VARS1: variants seen among roughly 807,000 people sequenced by gnomAD.
VARS1 encodes valyl-tRNA synthetase 1.
A neutral mutation model predicts 161.0 loss-of-function variants in VARS1; 92 were observed. The observed-to-expected ratio is 0.57, with a 90% CI of 0.48 to 0.68. The LOEUF (loss-of-function observed/expected upper bound fraction) is 0.68, where lower values mean the gene tolerates loss of function less well. Ranked by LOEUF, VARS1 falls within the 30% of genes least tolerant of loss-of-function variation. VARS1 has a pLI of 0.00. For missense variants in VARS1, 1,338 were observed against 1,695.9 expected, an observed-to-expected ratio of 0.79 and a Z score of 3.71; for synonymous variants, 595 against 682.5, an observed-to-expected ratio of 0.87 and a Z score of 2.00.
chr6:31,795,035 C>T lies in VARS1; in HGVS notation c.183G>A (p.Glu61=). The T allele has an allele frequency of 6.4e-7, 1 of 1,562,124 alleles. No individual in the cohort carries two copies. The highest frequency in any genetic ancestry group is 8.7e-7 in the Non-Finnish European group (1 of 1,150,776). The stretch of plus-strand genomic sequence containing the variant: ...ACACCCAGAGCCCACCGGGCCCCTG[C>T]TCCAGGGCCGGCAGGCGGGGTGGGG... ...PFPPPRLPAL[E]QGPGGLWVWG... Residue 61 remains glutamate (E), a synonymous_variant, in exon 2 of 30, where the codon GAG becomes GAA. Coordinates refer to ENST00000375663, the MANE Select transcript of VARS1 (RefSeq NM_006295.3). The surrounding 1 kb of genome is among the most constrained non-coding windows in gnomAD (Gnocchi z 6.9).
chr6:31,779,261 G>A lies in VARS1; in HGVS notation c.3432C>T (p.Gly1144=), dbSNP rs769749489. Residue 1144 remains glycine (G), a synonymous_variant, in exon 29 of 30, where the codon GGC becomes GGT. Coordinates refer to ENST00000375663, the MANE Select transcript of VARS1 (RefSeq NM_006295.3). The surrounding 1 kb of genome is among the most constrained non-coding windows in gnomAD (Gnocchi z 9.1). The part of the protein sequence containing the change: ...CFLEVADEAT[G]ALASAVSGYV... Reference sequence around the variant, plus strand: ...AGCCCGACACCGCCGATGCCAGGGCGCCCGTGGCCTCATCCGCCACTTCCA... The same window carrying A: ...AGCCCGACACCGCCGATGCCAGGGCACCCGTGGCCTCATCCGCCACTTCCA... 3.1e-5 allele frequency: 50 copies of A among 1,603,798 alleles called. No individual in the cohort carries two copies. The Middle Eastern group carries it at 6.6e-4, about 21-fold the overall frequency.
chr6:31,777,806 C>A lies in VARS1; in HGVS notation c.3727-144G>T. ...AGGCGTGAACCTGGCTGGCCTGGCT[C>A]CCCACCCATTCCCACCAGCACCCCC... On this transcript the variant is annotated intron_variant, in intron 29 of 29. Transcript: ENST00000375663. The surrounding 1 kb of genome is among the most constrained non-coding windows in gnomAD (Gnocchi z 5.8). 1.1e-6 allele frequency: 1 copy of A among 874,704 alleles called. No individual in the cohort carries two copies. 54.2% of individuals were successfully genotyped at this position (874,704 alleles called of 1,614,324 possible). A position where few individuals can be genotyped will look rare whatever the true frequency, so the allele number is the denominator to read the frequency against.
At position 31,780,058 on chromosome 6, in the gene VARS1, G is replaced by T; in HGVS notation, c.3021C>A (p.Phe1007Leu). 6.2e-7 allele frequency: 1 copy of T among 1,614,150 alleles called. No individual in the cohort carries two copies. The change falls in exon 26 of 30, where the codon TTC (phenylalanine) becomes TTA (leucine). Residue 1007 changes from phenylalanine to leucine, a missense_variant. Phe to Leu is a conservative substitution (Grantham distance 22, BLOSUM62 0). Around this residue, in one of 3 missense-constraint regions of VARS1, gnomAD observed 433 missense variants for 586.2 expected, o/e 0.74. Transcript: ENST00000375663. The surrounding 1 kb of genome is among the most constrained non-coding windows in gnomAD (Gnocchi z 5.1). Reference protein sequence around the residue: ...LSNQGFQAYDFPAVTTAQYSF... With the variant: ...LSNQGFQAYDLPAVTTAQYSF... Reference sequence around the variant, plus strand: ...TGTACTGGGCAGTGGTGACGGCCGGGAAGTCGTAGGCCTGGAAGCCTTGAT... The same window carrying T: ...TGTACTGGGCAGTGGTGACGGCCGGTAAGTCGTAGGCCTGGAAGCCTTGAT...
Position 31,777,716 on chromosome 6 carries a change from C to A in VARS1, c.3727-54G>T. ...ACCCAGGTCCAAGTGAAGAGACCCC[C>A]AAACACCCAGGACAACAAAGTTGGA... On this transcript the variant is annotated intron_variant, in intron 29 of 29. Coordinates refer to ENST00000375663, the MANE Select transcript of VARS1 (RefSeq NM_006295.3). This position sits in a 1 kb window ranked among gnomAD's most constrained non-coding sequence, Gnocchi z 5.8. 1 of 1,582,470 alleles carries A rather than the reference C, an allele frequency of 6.3e-7. No individual in the cohort carries two copies. Among genetic ancestry groups the A allele is most frequent in the Non-Finnish European group, 8.6e-7 (1 of 1,161,332 alleles).
Position 31,795,313 on chromosome 6 carries a change from G to T in VARS1, c.-33-63C>A, listed in dbSNP as rs1322732622. 5 of 1,186,354 alleles carry T rather than the reference G, an allele frequency of 4.2e-6. No homozygotes were observed. The highest frequency in any genetic ancestry group is 5.4e-6 in the Non-Finnish European group (5 of 925,514). 73.5% of individuals were successfully genotyped at this position (1,186,354 alleles called of 1,614,324 possible). Reference sequence around the variant, plus strand: ...GAGGTGGGTCCTATGTTTGAGTAGAGAGGGGACCCTCACGGGAGCTCCTTC... The same window carrying T: ...GAGGTGGGTCCTATGTTTGAGTAGATAGGGGACCCTCACGGGAGCTCCTTC... On this transcript the variant is annotated intron_variant, in intron 1 of 29. Transcript: ENST00000375663. The surrounding 1 kb of genome is among the most constrained non-coding windows in gnomAD (Gnocchi z 6.9).
In VARS1 at chr6:31,792,839, C is replaced by G. The variant is rs150385182; in HGVS notation, c.579G>C (p.Thr193=). The G allele has an allele frequency of 6.2e-7, 1 of 1,614,054 alleles. No individual in the cohort carries two copies. Among genetic ancestry groups the G allele is most frequent in the East Asian group, 2.2e-5 (1 of 44,892 alleles). Residue 193 remains threonine (T), a synonymous_variant, in exon 4 of 30, where the codon ACG becomes ACC. Coordinates refer to ENST00000375663, the MANE Select transcript of VARS1 (RefSeq NM_006295.3). ...IWNNVTRWFV[T]CVRQPEFRAV... ...CTCGGAATTCTGGCTGCCGGACACA[C>G]GTGACAAACCAGCGAGTCACATTAT...
chr6:31,785,365 G>A lies in VARS1; in HGVS notation c.1266-38C>T. On this transcript the variant is annotated intron_variant, in intron 9 of 29. Transcript: ENST00000375663. This position sits in a 1 kb window ranked among gnomAD's most constrained non-coding sequence, Gnocchi z 6.1. Reference sequence around the variant, plus strand: ...AGGCTGAGGTCAGCACTCGTGCCTGGGCTAGAGGGAGACATCAGGTGGCTG... The same window carrying A: ...AGGCTGAGGTCAGCACTCGTGCCTGAGCTAGAGGGAGACATCAGGTGGCTG... 1.2e-6 allele frequency: 2 copies of A among 1,610,896 alleles called. No homozygotes were observed. Among genetic ancestry groups the A allele is most frequent in the Non-Finnish European group, 1.7e-6 (2 of 1,178,344 alleles).
In VARS1 at chr6:31,781,940, G is replaced by A. The variant is rs368988920; in HGVS notation, c.2254C>T (p.Arg752Trp). 103 of 1,612,822 alleles carry A rather than the reference G, an allele frequency of 6.4e-5. No individual in the cohort carries two copies. In the African/African-American group the frequency reaches 8.0e-4, roughly 13 times the overall value. The change falls in exon 19 of 30, where the codon CGG becomes TGG. Residue 752 changes from arginine to tryptophan, a missense_variant. By Grantham distance (101) the Arg-to-Trp change is moderately radical. Around this residue, in one of 3 missense-constraint regions of VARS1, gnomAD observed 902 missense variants for 1,090.3 expected, o/e 0.83. Coordinates refer to ENST00000375663, the MANE Select transcript of VARS1 (RefSeq NM_006295.3). The surrounding 1 kb of genome is among the most constrained non-coding windows in gnomAD (Gnocchi z 6.8). ...TCATTGCGTCCACTCACCCAGTACC[G>A]CCCATCAGGGTCCTGCCACAGGTGC... ...AVPPGEDPDG[R>W]YWVSGRNEAE...
At chr6:31,786,780 A>C (rs542980997) in intron 8 of VARS1, among the ~76,000 whole-genome samples, 1 of 152,160 alleles carries the variant, frequency 6.6e-6, no homozygotes, top group East Asian at 1.9e-4. Flanking sequence ...TAGTACCTGG[A>C]AACAGATACA....
Position 31,781,357 on chromosome 6 carries a change from C to T in VARS1, c.2544+124G>A, listed in dbSNP as rs1238812846. On this transcript the variant is annotated intron_variant, in intron 21 of 29. Transcript: ENST00000375663. This position sits in a 1 kb window ranked among gnomAD's most constrained non-coding sequence, Gnocchi z 6.8. ...CCCAGGCTGGATTTCAACCCCACAC[C>T]AGCCCCCGGGTCAGGCCTGCCCACA... The T allele has an allele frequency of 6.9e-7, 1 of 1,441,416 alleles. No homozygotes were observed. The allele number at this position is 1,441,416 out of a possible 1,614,324, so 89.3% of individuals were successfully genotyped here.
chr6:31,779,805 T>A lies in VARS1; in HGVS notation c.3091A>T (p.Lys1031Ter). The A allele has an allele frequency of 6.2e-7, 1 of 1,612,894 alleles. No homozygotes were observed. Among genetic ancestry groups the A allele is most frequent in the Non-Finnish European group, 8.5e-7 (1 of 1,179,944 alleles). Reference protein sequence around the residue: ...ELCDVYLECLKPVLNGVDQVA... With the variant: ...ELCDVYLECL Reference sequence around the variant, plus strand: ...TGGTCCACCCCATTCAGTACAGGTTTCAGGCACTCCTAGGGGACGAGAGGT... The same window carrying A: ...TGGTCCACCCCATTCAGTACAGGTTACAGGCACTCCTAGGGGACGAGAGGT... Residue 1031 changes from lysine (K) to a stop codon, truncating the protein, a stop_gained, in exon 27 of 30, where the codon AAA (lysine) becomes TAA (stop). Coordinates refer to ENST00000375663, the MANE Select transcript of VARS1 (RefSeq NM_006295.3). LOFTEE classifies it high-confidence loss of function. The surrounding 1 kb of genome is among the most constrained non-coding windows in gnomAD (Gnocchi z 9.1).
rs115668100 is a variant in VARS1, at chr6:31,794,364, G to A, written c.387+467C>T. ...TACACCAAGGCACAGGTCTCCTTTGGAAGGACTGATAGTTACAATCTGGCA... is the reference window on the plus strand; with the variant it reads ...TACACCAAGGCACAGGTCTCCTTTGAAAGGACTGATAGTTACAATCTGGCA... On this transcript the variant is annotated intron_variant, in intron 2 of 29. Coordinates refer to ENST00000375663, the MANE Select transcript of VARS1 (RefSeq NM_006295.3). Among the ~76,000 whole-genome samples, 824 of 152,218 alleles carry A rather than the reference G, an allele frequency of 5.4e-3. 3 individuals carry two copies. The highest frequency in any genetic ancestry group is 8.9e-3 in the Non-Finnish European group (608 of 68,002).
At chr6:31,786,922 TTTAGA>T (rs1158131662) in intron 8 of VARS1, among the ~76,000 whole-genome samples, 5 of 151,758 alleles carry the variant, frequency 3.3e-5, no homozygotes, top group African/African-American at 1.2e-4. Flanking sequence ...AAAAAGAAAC[TTTAGA>T]TAGATTAAAG....
Position 31,782,174 on chromosome 6 carries a change from C to G in VARS1, c.2154G>C (p.Glu718Asp), listed in dbSNP as rs867684488. Residue 718 changes from glutamate to aspartate, a missense_variant, in exon 18 of 30, where the codon GAG (glutamate) becomes GAC (aspartate). Glu to Asp is a conservative substitution (Grantham distance 45, BLOSUM62 2). Transcript: ENST00000375663. This position sits in a 1 kb window ranked among gnomAD's most constrained non-coding sequence, Gnocchi z 8.3. ...TWHAWMDNIR[E>D]WCISRQLWWG... Reference sequence around the variant, plus strand: ...ACCACAGCTGCCTGGAAATGCACCACTCCCTGCAAATGTCGGGGAGGAGAA... The same window carrying G: ...ACCACAGCTGCCTGGAAATGCACCAGTCCCTGCAAATGTCGGGGAGGAGAA... 2.5e-6 allele frequency: 4 copies of G among 1,613,410 alleles called. No individual in the cohort carries two copies. Among genetic ancestry groups the G allele is most frequent in the Middle Eastern group, 1.6e-4 (1 of 6,062 alleles).
In VARS1 at chr6:31,781,497, C is replaced by T; in HGVS notation, c.2528G>A (p.Arg843Lys). The change falls in exon 21 of 30, where the codon AGG becomes AAG. Residue 843 changes from arginine to lysine, a missense_variant. Transcript: ENST00000375663. The surrounding 1 kb of genome is among the most constrained non-coding windows in gnomAD (Gnocchi z 6.8). ...TCTCCGCACCTCTCTAAAGGGCAGC[C>T]TGCCCGTGAGCTTCAGGCCCAGCAT... ...MVMLGLKLTG[R>K]LPFREVYLHA... 1 of 1,612,780 alleles carries T rather than the reference C, an allele frequency of 6.2e-7. No homozygotes were observed. Among genetic ancestry groups the T allele is most frequent in the Non-Finnish European group, 8.5e-7 (1 of 1,179,946 alleles).
rs1813467547 is a variant in VARS1 at position 31,785,868 on chromosome 6, G to A, written c.1101-135C>T. The A allele has an allele frequency of 8.7e-7, 1 of 1,153,842 alleles. No individual in the cohort carries two copies. Among genetic ancestry groups the A allele is most frequent in the Non-Finnish European group, 1.2e-6 (1 of 842,900 alleles). 71.5% of individuals were successfully genotyped at this position (1,153,842 alleles called of 1,614,324 possible). On this transcript the variant is annotated intron_variant, in intron 8 of 29. Coordinates refer to ENST00000375663, the MANE Select transcript of VARS1 (RefSeq NM_006295.3). The surrounding 1 kb of genome is among the most constrained non-coding windows in gnomAD (Gnocchi z 6.1). ...AGGCCGGACGCGGTGGCTCACGCCT[G>A]TAATCCCAGAACTTTGGGAGGCTGA... is the stretch of plus-strand genomic sequence containing the variant.
chr6:31,780,893 C>T lies in VARS1; in HGVS notation c.2695G>A (p.Val899Met). ...LLNSNLDPSE[V>M]EKAKEGQKAD... is the part of the protein sequence containing the mutation. ...ACCTGCCCTTCTTTGGCCTTCTCCA[C>T]CTCGCTGGGATCCAGGTTGCTGTTC... Residue 899 changes from valine to methionine, a missense_variant, in exon 23 of 30, where the codon GTG (valine) becomes ATG (methionine). Val to Met is a conservative substitution (Grantham distance 21). Around this residue, in one of 3 missense-constraint regions of VARS1, gnomAD observed 433 missense variants for 586.2 expected, o/e 0.74. Transcript: ENST00000375663. The surrounding 1 kb of genome is among the most constrained non-coding windows in gnomAD (Gnocchi z 5.1). The T allele has an allele frequency of 1.2e-6, 2 of 1,614,212 alleles. No homozygotes were observed. Among genetic ancestry groups the T allele is most frequent in the South Asian group, 2.2e-5 (2 of 91,088 alleles).
intron 8 of VARS1, among the ~76,000 whole-genome samples, chr6:31,789,849 T>C (rs1406266604): frequency 6.6e-6 from 1 of 151,350 alleles, no homozygotes; most frequent in East Asian, 1.9e-4. Flanking sequence ...TGAAACCCCG[T>C]CTCTACTAAA....
At chr6:31,789,272 A>C (rs1813716671) in intron 8 of VARS1, among the ~76,000 whole-genome samples, 1 of 152,208 alleles carries the variant, frequency 6.6e-6, no homozygotes, top group Admixed American at 6.5e-5. Flanking sequence ...TTAAAAAGAA[A>C]AAGAACGAAG....
Sources: gnomAD v4.1 joint callset for allele counts (sites outside exome capture counted in the v4.1 genomes callset) on GRCh38, gnomAD v4.1.1 for gene constraint, gnomAD v4.1.1 regional missense constraint, Gnocchi (gnomAD v3.1) non-coding constraint, MANE v1.5 for transcripts, NCBI Gene and HGNC (gene_info 2026-07-23, HGNC 2026-07-21) for gene names.